Variants in SGCZ observed in about 807,000 individuals in gnomAD.
The protein encoded by SGCZ is zeta-sarcoglycan.
A neutral mutation model predicts 41.3 loss-of-function variants in SGCZ; 40 were observed. The observed-to-expected ratio is 0.97, with a 90% CI of 0.75 to 1.26. SGCZ has a LOEUF of 1.26. Ranked by LOEUF, SGCZ falls within the 50% of genes most tolerant of loss-of-function variation. The pLI, the probability that SGCZ is intolerant of heterozygous loss-of-function variation, is 0.00. For synonymous variants in SGCZ, 206 were observed against 137.5 expected (o/e 1.50, Z -3.49); for missense variants, 552 against 369.8 (o/e 1.49, Z -4.04).
intron 2 of SGCZ, among the ~76,000 whole-genome samples, chr8:14,422,643 T>G (rs991702824): frequency 6.6e-6 from 1 of 152,200 alleles, no homozygotes; most frequent in Non-Finnish European, 1.5e-5. Flanking sequence ...AGCCCAGACT[T>G]ACTGGATTTG....
chr8:14,355,665 G>T (rs1803268799), intron 2 of SGCZ, among the ~76,000 whole-genome samples: 1 of 151,854 alleles, frequency 6.6e-6, no homozygotes, highest in Non-Finnish European at 1.5e-5. Context: ...TTGGGAAAAT[G>T]ATAAAAATGA....
chr8:14,202,517 T>C (rs1805488255), intron 4 of SGCZ, among the ~76,000 whole-genome samples: 1 of 151,802 alleles, frequency 6.6e-6, no homozygotes, highest in Admixed American at 6.6e-5. Flanking sequence ...GAGAAAACTA[T>C]TCATACTTGG....
At chr8:14,127,023 G>A (rs1802882748) in intron 5 of SGCZ, among the ~76,000 whole-genome samples, 1 of 152,026 alleles carries the variant, frequency 6.6e-6, no homozygotes, top group African/African-American at 2.4e-5. Flanking sequence ...CCTAATGCAT[G>A]TGTGGCTTAA....
intron 5 of SGCZ, among the ~76,000 whole-genome samples, chr8:14,146,413 C>T (rs927405650): frequency 2.6e-5 from 4 of 152,156 alleles, no homozygotes; most frequent in Admixed American, 2.6e-4. Context: ...TCATCAACAT[C>T]AGCTCTGTCT....
chr8:14,275,247 A>T (rs1323541158), intron 3 of SGCZ, among the ~76,000 whole-genome samples: 3 of 152,184 alleles, frequency 2.0e-5, no homozygotes, highest in Non-Finnish European at 4.4e-5. Flanking sequence ...CCTAAATGAG[A>T]CTGCAAGTTG....
intron 1 of SGCZ, among the ~76,000 whole-genome samples, chr8:14,799,173 C>T (rs1297036498): frequency 1.3e-5 from 2 of 151,892 alleles, no homozygotes; most frequent in East Asian, 1.9e-4. Context: ...CAATAAGACA[C>T]TTACTTTATA....
intron 1 of SGCZ, among the ~76,000 whole-genome samples, chr8:15,188,695 T>G (rs1800429224): frequency 6.6e-6 from 1 of 152,220 alleles, no homozygotes; most frequent in Non-Finnish European, 1.5e-5. Context: ...TTTTAAAGTT[T>G]TTCAATCTGC....
At chr8:14,485,869 C>G (rs1313982278) in intron 2 of SGCZ, among the ~76,000 whole-genome samples, 5 of 115,396 alleles carry the variant, frequency 4.3e-5, no homozygotes, top group Admixed American at 1.3e-4. Flanking sequence ...GAGTCTCGCT[C>G]TGTCGCCCAG....
At chr8:14,784,900 C>A (rs1479687380) in intron 1 of SGCZ, among the ~76,000 whole-genome samples, 5 of 3,652 alleles carry the variant, frequency 1.4e-3, no homozygotes, top group African/African-American at 0.011. Flanking sequence ...GAAACTCTGC[C>A]TCAAAAAAAA....
intron 2 of SGCZ, among the ~76,000 whole-genome samples, chr8:14,553,629 T>C (rs1803940025): frequency 6.6e-6 from 1 of 152,076 alleles, no homozygotes; most frequent in Non-Finnish European, 1.5e-5. Context: ...CACAGGCTCC[T>C]TGCTCACATA....
At chr8:14,389,361 T>G (rs568347746) in intron 2 of SGCZ, among the ~76,000 whole-genome samples, 1 of 151,174 alleles carries the variant, frequency 6.6e-6, no homozygotes, top group East Asian at 1.9e-4. Flanking sequence ...GTACTCAGAT[T>G]AAAAAAGTAA....
chr8:14,477,766 A>G (rs1215011681), intron 2 of SGCZ, among the ~76,000 whole-genome samples: 1 of 152,222 alleles, frequency 6.6e-6, no homozygotes, highest in African/African-American at 2.4e-5. Flanking sequence ...AAGGAAATGT[A>G]GGAAATGTGT....
intron 2 of SGCZ, among the ~76,000 whole-genome samples, chr8:14,412,868 T>A (rs1799398657): frequency 1.3e-5 from 2 of 152,022 alleles, no homozygotes; most frequent in Non-Finnish European, 2.9e-5. Flanking sequence ...TAGATATGGA[T>A]GCAAATAATA....
At chr8:14,402,322 G>C (rs1259668666) in intron 2 of SGCZ, among the ~76,000 whole-genome samples, 4 of 151,522 alleles carry the variant, frequency 2.6e-5, no homozygotes, top group African/African-American at 7.3e-5. Context: ...TTTGTCTTTT[G>C]TTGCCATTGC....
intron 2 of SGCZ, among the ~76,000 whole-genome samples, chr8:14,368,763 C>A (rs1026118868): frequency 1.3e-5 from 2 of 151,916 alleles, no homozygotes; most frequent in African/African-American, 4.8e-5. Context: ...TTGGCTGCTA[C>A]AAAATGCAGC....
intron 3 of SGCZ, among the ~76,000 whole-genome samples, chr8:14,280,666 T>C (rs1323601524): frequency 6.6e-6 from 1 of 151,956 alleles, no homozygotes; most frequent in African/African-American, 2.4e-5. Context: ...TCATTACTAT[T>C]ACTATTGCTT....
intron 1 of SGCZ, among the ~76,000 whole-genome samples, chr8:14,558,282 G>T (rs531803312): frequency 1.3e-5 from 2 of 152,052 alleles, no homozygotes; most frequent in Admixed American, 1.3e-4. Context: ...CCAAAAGATA[G>T]AGTAAGAGGG....
chr8:14,258,387 TA>T (rs1799538783), intron 3 of SGCZ, among the ~76,000 whole-genome samples: 1 of 152,158 alleles, frequency 6.6e-6, no homozygotes, highest in Admixed American at 6.5e-5. Context: ...CTCTCGGGAA[TA>T]CTCTGACCTA....
intron 7 of SGCZ, among the ~76,000 whole-genome samples, chr8:14,091,963 A>G (rs536188097): frequency 6.6e-6 from 1 of 152,282 alleles, no homozygotes; most frequent in South Asian, 2.1e-4. Context: ...TTTATGTTTA[A>G]GTCTTTAATC....
Sources: allele counts gnomAD v4.1 joint callset (sites outside exome capture counted in the v4.1 genomes callset), GRCh38; gene constraint gnomAD v4.1.1; transcripts MANE v1.5; gene names NCBI Gene and HGNC (gene_info 2026-07-23, HGNC 2026-07-21).